The following PEX14 variants were observed in gnomAD, a reference collection of about 807,000 sequenced individuals.
The protein encoded by PEX14 is peroxisomal biogenesis factor 14, also known as peroxisomal membrane protein PEX14.
Under a neutral mutation model 49.5 loss-of-function variants are expected in PEX14, and 15 were observed. That is an observed-to-expected ratio of 0.30 (90% CI 0.20 to 0.47). PEX14 has a LOEUF of 0.47. Among genes scored for constraint, PEX14 ranks in the 20% least tolerant of loss-of-function variants. The pLI is 1.00. For missense variants in PEX14, 398 were observed against 494.8 expected (o/e 0.80, Z 1.86); for synonymous variants, 210 against 212.7 (o/e 0.99, Z 0.11).
chr1:10,598,418 C>T (rs1202924887), intron 3 of PEX14, among the ~76,000 whole-genome samples: 1 of 152,240 alleles, frequency 6.6e-6, no homozygotes, highest in African/African-American at 2.4e-5. Flanking sequence ...GCTGTGTCCC[C>T]ACTGGAAATG....
intron 8 of PEX14, 136 bp downstream of exon 8, chr1:10,627,499 C>A: frequency 1.4e-6 from 1 of 692,512 alleles, no homozygotes; most frequent in Non-Finnish European, 2.7e-6. Flanking sequence ...GGCACTGAGT[C>A]TGGGGCCTTT....
In PEX14 at chr1:10,597,841, C is replaced by T. The variant is rs762549015; in HGVS notation, c.170-1397C>T. Among the ~76,000 whole-genome samples, 29 of 152,196 alleles carry T rather than the reference C, an allele frequency of 1.9e-4. No individual in the cohort carries two copies. Among genetic ancestry groups the T allele is most frequent in the Non-Finnish European group, 2.8e-4 (19 of 68,026 alleles). On this transcript the variant is annotated intron_variant, in intron 3 of 8. Coordinates refer to ENST00000356607, the MANE Select transcript of PEX14 (RefSeq NM_004565.3). This position sits in a 1 kb window ranked among gnomAD's most constrained non-coding sequence, Gnocchi z 5.7. ...GAGTCCAGGGCTGTTTAGAAAAGTT[C>T]GGGCATTTTCCTTTGACTAGCTGTG...
intron 1 of PEX14, among the ~76,000 whole-genome samples, chr1:10,476,505 C>T (rs1056537509): frequency 6.6e-6 from 1 of 152,116 alleles, no homozygotes; most frequent in African/African-American, 2.4e-5. Context: ...GTTCCTGATT[C>T]TTTTTTCTTT....
intron 5 of PEX14, among the ~76,000 whole-genome samples, chr1:10,620,115 AAAAAAGAAAAAG>A (rs954365870): frequency 2.0e-5 from 3 of 152,004 alleles, no homozygotes; most frequent in South Asian, 2.1e-4. Context: ...ACTCCTTCTC[AAAAAAGAAAAAG>A]AAAAAGAAAA....
At chr1:10,562,914 C>CTTTTT (rs35438761) in intron 3 of PEX14, among the ~76,000 whole-genome samples, 3 of 145,998 alleles carry the variant, frequency 2.1e-5, no homozygotes, top group Non-Finnish European at 3.0e-5. Flanking sequence ...TTCTTTCTTT[C>CTTTTT]TTTTCTTTTT....
chr1:10,601,169 G>A (rs886683094), intron 4 of PEX14, among the ~76,000 whole-genome samples: 2 of 150,186 alleles, frequency 1.3e-5, no homozygotes, highest in African/African-American at 5.0e-5. Context: ...GGCTGAGGCA[G>A]GAGAATCGCT....
At chr1:10,617,029 C>T (rs1641443588) in intron 4 of PEX14, 1 of 151,956 alleles carries the variant, frequency 6.6e-6, no homozygotes, top group Non-Finnish European at 1.5e-5. Flanking sequence ...TGGAGCCGGT[C>T]AAAACTCCCA....
At chr1:10,491,121 C>T (rs966753628) in intron 1 of PEX14, among the ~76,000 whole-genome samples, 1 of 151,560 alleles carries the variant, frequency 6.6e-6, no homozygotes, top group African/African-American at 2.4e-5. Context: ...CCTGCCTCGA[C>T]CTCCCAAAAT....
chr1:10,564,551 A>G (rs1356638184), intron 3 of PEX14, among the ~76,000 whole-genome samples: 2 of 150,712 alleles, frequency 1.3e-5, no homozygotes, highest in Non-Finnish European at 2.9e-5. Flanking sequence ...AACTGGGACT[A>G]CAGGTGTGAG....
chr1:10,511,982 C>T (rs1034481993), intron 2 of PEX14, among the ~76,000 whole-genome samples: 5 of 152,058 alleles, frequency 3.3e-5, no homozygotes, highest in African/African-American at 4.8e-5. Context: ...TTTTTTGAGA[C>T]GGAGTCTTGC....
intron 5 of PEX14, 141 bp downstream of exon 5, chr1:10,618,558 C>T (rs1641498132): frequency 9.5e-6 from 7 of 735,234 alleles, no homozygotes; most frequent in South Asian, 4.4e-5. Flanking sequence ...TGGTAGAGGT[C>T]GGGGTTCACA....
At chr1:10,595,361 C>T (rs1640807783) in intron 3 of PEX14, among the ~76,000 whole-genome samples, 1 of 152,178 alleles carries the variant, frequency 6.6e-6, no homozygotes, top group Non-Finnish European at 1.5e-5. Context: ...CTCCTTTTGA[C>T]TAGAGCTAGT....
chr1:10,483,399 C>T lies in PEX14; in HGVS notation c.36+8397C>T, dbSNP rs933429472. 3.9e-5 allele frequency among the ~76,000 whole-genome samples: 6 copies of T among 151,924 alleles called. No individual in the cohort carries two copies. The South Asian group carries it at 8.3e-4, about 21-fold the overall frequency. ...TGGTATGATCTCGGCTTACTGCAAT[C>T]TCCACTTCCCAGGTTCAAGCGATTC... On this transcript the variant is annotated intron_variant, in intron 1 of 8. Transcript: ENST00000356607.
At chr1:10,583,938 A>C (rs1308822797) in intron 3 of PEX14, among the ~76,000 whole-genome samples, 1 of 151,626 alleles carries the variant, frequency 6.6e-6, no homozygotes, top group African/African-American at 2.4e-5. Flanking sequence ...ACAGGGAGTA[A>C]GGTTGTGTAG....
intron 5 of PEX14, among the ~76,000 whole-genome samples, chr1:10,620,264 A>G (rs1009897380): frequency 6.6e-6 from 1 of 151,444 alleles, no homozygotes; most frequent in Non-Finnish European, 1.5e-5. Flanking sequence ...AGCCTGGCCA[A>G]CATGGTGAAA....
At chr1:10,618,559 G>A (rs1641498214) in intron 5 of PEX14, 142 bp downstream of exon 5, 7 of 730,590 alleles carry the variant, frequency 9.6e-6, no homozygotes, top group African/African-American at 1.7e-5. Flanking sequence ...GGTAGAGGTC[G>A]GGGTTCACAG....
chr1:10,553,603 C>T (rs12127400), intron 3 of PEX14, among the ~76,000 whole-genome samples: 47,725 of 152,064 alleles, frequency 0.31, 8,312 homozygotes, highest in East Asian at 0.46. Flanking sequence ...AATGATTTCT[C>T]AGGGGTAAGC....
intron 3 of PEX14, among the ~76,000 whole-genome samples, chr1:10,553,855 T>C (rs1309838616): frequency 1.3e-5 from 2 of 152,176 alleles, no homozygotes; most frequent in Non-Finnish European, 2.9e-5. Flanking sequence ...TGTTTGCTGA[T>C]CTGGCCTCGG....
intron 2 of PEX14, among the ~76,000 whole-genome samples, chr1:10,509,191 G>T (rs917545420): frequency 3.3e-5 from 5 of 151,782 alleles, no homozygotes; most frequent in African/African-American, 1.2e-4. Context: ...CTCATGATCC[G>T]CCTGCCTCGG....
Sources: allele counts gnomAD v4.1 joint callset (sites outside exome capture counted in the v4.1 genomes callset), GRCh38; gene constraint gnomAD v4.1.1; non-coding constraint Gnocchi (gnomAD v3.1); transcripts MANE v1.5; gene names NCBI Gene and HGNC (gene_info 2026-07-23, HGNC 2026-07-21).